SPON1: variants seen among roughly 807,000 people sequenced by gnomAD.
The protein encoded by SPON1 is spondin 1.
SPON1 carries 52 observed loss-of-function variants against 111.7 expected under a neutral mutation model. The observed-to-expected ratio is 0.47, with a 90% CI of 0.37 to 0.59. SPON1 has a LOEUF of 0.59. Ranked by LOEUF, SPON1 falls within the 20% of genes least tolerant of loss-of-function variation. The pLI is 0.00. For missense variants in SPON1, 957 were observed against 1,068.5 expected (o/e 0.90, Z 1.46); for synonymous variants, 410 against 395.8 (o/e 1.04, Z -0.43).
chr11:14,175,590 T>C (rs1216900602), intron 6 of SPON1, among the ~76,000 whole-genome samples: 1 of 152,172 alleles, frequency 6.6e-6, no homozygotes, highest in Non-Finnish European at 1.5e-5. Context: ...TCACAAATCC[T>C]TTTTTCTATT....
intron 7 of SPON1, among the ~76,000 whole-genome samples, chr11:14,250,522 C>A (rs1666614071): frequency 6.6e-6 from 1 of 152,008 alleles, no homozygotes; most frequent in South Asian, 2.1e-4. Context: ...TCTGGGATCT[C>A]CAGTCTGTAT....
At chr11:14,195,779 A>G (rs1848394121) in intron 6 of SPON1, among the ~76,000 whole-genome samples, 1 of 152,138 alleles carries the variant, frequency 6.6e-6, no homozygotes, top group Admixed American at 6.5e-5. Flanking sequence ...TGGATTTGGG[A>G]GTCACAGCCT....
In SPON1 at chr11:14,129,449, G is replaced by A. The variant is rs192144228; in HGVS notation, c.677-5971G>A. On this transcript the variant is annotated intron_variant, in intron 5 of 15. Transcript: ENST00000576479. ...TTTGCTAAAGTGTAGCAAATGTAACGTTTACTCCCGTTCCCAAGAAGTTTC... is the reference window on the plus strand; with the variant it reads ...TTTGCTAAAGTGTAGCAAATGTAACATTTACTCCCGTTCCCAAGAAGTTTC... 7.0e-4 allele frequency among the ~76,000 whole-genome samples: 107 copies of A among 152,178 alleles called. 1 individual carries two copies. Among genetic ancestry groups the A allele is most frequent in the Middle Eastern group, 3.4e-3 (1 of 294 alleles).
At chr11:14,195,261 C>T (rs1554934948) in intron 6 of SPON1, among the ~76,000 whole-genome samples, 1 of 152,136 alleles carries the variant, frequency 6.6e-6, no homozygotes, top group African/African-American at 2.4e-5. Context: ...GTGCAAAGCC[C>T]TTCATGAAGT....
intron 2 of SPON1, among the ~76,000 whole-genome samples, chr11:13,997,411 C>T (rs1848282137): frequency 6.6e-6 from 1 of 152,132 alleles, no homozygotes. Flanking sequence ...TTATCTGAAA[C>T]TTACTTAGTC....
At chr11:14,193,293 G>T (rs1295401106) in intron 6 of SPON1, among the ~76,000 whole-genome samples, 1 of 152,166 alleles carries the variant, frequency 6.6e-6, no homozygotes, top group Non-Finnish European at 1.5e-5. Context: ...AGGCCTGGGA[G>T]ATGATCAGAA....
chr11:14,267,079 G>C lies in SPON1; in HGVS notation c.*1392G>C, dbSNP rs1849279425. On this transcript the variant is annotated 3_prime_UTR_variant, in exon 16 of 16. Transcript: ENST00000576479. ...TAATCCAAATGTGTACCATTGGTGA[G>C]ACACATACAATGCTCTGAATACACT... 6.6e-6 allele frequency: 1 copy of C among 152,152 alleles called. No individual in the cohort carries two copies. Among genetic ancestry groups the C allele is most frequent in the Non-Finnish European group, 1.5e-5 (1 of 68,036 alleles). 9.4% of individuals were successfully genotyped at this position (152,152 alleles called of 1,614,324 possible). A position where few individuals can be genotyped will look rare whatever the true frequency, so the allele number is the denominator to read the frequency against.
At chr11:14,257,636 C>T in intron 10 of SPON1, 80 bp from the exon 11 acceptor site, 1 of 1,356,330 alleles carries the variant, frequency 7.4e-7, no homozygotes, top group South Asian at 1.6e-5. Context: ...TTTCTTGTCC[C>T]CAGATAAGCT....
At chr11:14,254,785 G>A in intron 8 of SPON1, 56 bp downstream of exon 8, 1 of 1,545,946 alleles carries the variant, frequency 6.5e-7, no homozygotes, top group Admixed American at 1.7e-5. Flanking sequence ...CTTCCTGAGT[G>A]TCCTGGACAC....
intron 6 of SPON1, among the ~76,000 whole-genome samples, chr11:14,144,872 T>C (rs1454699533): frequency 6.6e-6 from 1 of 152,090 alleles, no homozygotes; most frequent in African/African-American, 2.4e-5. Flanking sequence ...GGGTCTGTTT[T>C]TTTAGGTGTG....
At position 14,254,741 on chromosome 11, in the gene SPON1, T is replaced by C. The variant is rs1554941002; in HGVS notation, c.1092+12T>C. Reference sequence around the variant, plus strand: ...GGGTGACCTATGAGGTGTGTGTGTGTGCCTGGAGTGGTGAGTGGCTCCTTG... The same window carrying C: ...GGGTGACCTATGAGGTGTGTGTGTGCGCCTGGAGTGGTGAGTGGCTCCTTG... On this transcript the variant is annotated intron_variant, in intron 8 of 15. Coordinates refer to ENST00000576479, the MANE Select transcript of SPON1 (RefSeq NM_006108.4). The C allele has an allele frequency of 1.2e-6, 2 of 1,612,214 alleles. No individual in the cohort carries two copies. Among genetic ancestry groups the C allele is most frequent in the Non-Finnish European group, 1.7e-6 (2 of 1,179,238 alleles).
At chr11:14,239,342 T>C (rs1337479044) in intron 6 of SPON1, among the ~76,000 whole-genome samples, 3 of 152,202 alleles carry the variant, frequency 2.0e-5, no homozygotes, top group African/African-American at 4.8e-5. Context: ...TGAGTTGTCA[T>C]TTAGTCCCCC....
intron 4 of SPON1, among the ~76,000 whole-genome samples, chr11:14,078,180 A>G (rs1395310872): frequency 6.6e-6 from 1 of 152,154 alleles, no homozygotes; most frequent in Non-Finnish European, 1.5e-5. Flanking sequence ...TGAAAAATTT[A>G]TTTTTCAAAT....
chr11:14,120,161 A>T (rs1554926365), intron 5 of SPON1, among the ~76,000 whole-genome samples: 1 of 152,150 alleles, frequency 6.6e-6, no homozygotes, highest in African/African-American at 2.4e-5. Context: ...AATCTGTAAC[A>T]TGAGTTTATT....
chr11:14,030,398 G>A (rs1215600223), intron 2 of SPON1, among the ~76,000 whole-genome samples: 1 of 152,132 alleles, frequency 6.6e-6, no homozygotes, highest in Non-Finnish European at 1.5e-5. Context: ...GTGTTTCTCA[G>A]GACTAAACTT....
chr11:14,115,622 T>C (rs140150506), intron 5 of SPON1, among the ~76,000 whole-genome samples: 1 of 152,378 alleles, frequency 6.6e-6, no homozygotes, highest in Non-Finnish European at 1.5e-5. Flanking sequence ...CATAGCTGTA[T>C]AATATTCCAT....
chr11:14,000,767 T>C (rs1299859987), intron 2 of SPON1, among the ~76,000 whole-genome samples: 2 of 152,076 alleles, frequency 1.3e-5, no homozygotes, highest in African/African-American at 4.8e-5. Context: ...CAAAACAGCT[T>C]GTACTTATGT....
intron 6 of SPON1, among the ~76,000 whole-genome samples, chr11:14,236,807 T>C (rs1428265666): frequency 6.6e-6 from 1 of 152,106 alleles, no homozygotes; most frequent in African/African-American, 2.4e-5. Context: ...CTGTGTCAAA[T>C]ACTGCTGAGG....
chr11:14,253,991 G>C (rs976368347), intron 7 of SPON1, among the ~76,000 whole-genome samples: 43 of 152,210 alleles, frequency 2.8e-4, no homozygotes, highest in African/African-American at 1.0e-3. Flanking sequence ...GCCTCTGATA[G>C]CTTAGACTCA....
Sources: gnomAD v4.1 joint callset for allele counts (sites outside exome capture counted in the v4.1 genomes callset) on GRCh38, gnomAD v4.1.1 for gene constraint, MANE v1.5 for transcripts, NCBI Gene and HGNC (gene_info 2026-07-23, HGNC 2026-07-21) for gene names.